Variants in OPHN1 observed in about 807,000 individuals in gnomAD.
OPHN1 encodes the protein oligophrenin 1, also known as oligophrenin-1.
A neutral mutation model predicts 60.7 loss-of-function variants in OPHN1; 11 were observed. The observed-to-expected ratio is 0.18, with a 90% CI of 0.11 to 0.30. The LOEUF (loss-of-function observed/expected upper bound fraction) is 0.30, where lower values mean the gene tolerates loss of function less well. Among genes scored for constraint, OPHN1 ranks in the 10% least tolerant of loss-of-function variants. The pLI is 1.00. For missense variants in OPHN1, 449 were observed against 611.0 expected (o/e 0.73, Z 2.80); for synonymous variants, 226 against 222.6 (o/e 1.02, Z -0.14).
At chrX:68,188,797 G>A (rs1393663445) in intron 15 of OPHN1, among the ~76,000 whole-genome samples, 1 of 111,371 alleles carries the variant, frequency 9.0e-6, no homozygotes, top group Non-Finnish European at 1.9e-5. Flanking sequence ...GAATATATGT[G>A]AATTTAATGC....
chrX:68,174,836 C>T (rs767246356), intron 15 of OPHN1, among the ~76,000 whole-genome samples: 5 of 110,449 alleles, frequency 4.5e-5, no homozygotes, highest in Non-Finnish European at 9.5e-5. Flanking sequence ...GTAATCCCAG[C>T]ACTTTGGGAG....
At chrX:68,299,690 C>A (rs989890030) in intron 2 of OPHN1, among the ~76,000 whole-genome samples, 3 of 111,813 alleles carry the variant, frequency 2.7e-5, no homozygotes, top group African/African-American at 9.8e-5. Flanking sequence ...AGAGACCTGA[C>A]CTAAGAAAGC....
chrX:68,134,683 C>A, intron 15 of OPHN1, among the ~76,000 whole-genome samples: 1 of 109,796 alleles, frequency 9.1e-6, no homozygotes, highest in Non-Finnish European at 1.9e-5. Context: ...GGGCCTGGGC[C>A]AGGGCCAGGC....
At chrX:68,386,359 C>G (rs976276443) in intron 2 of OPHN1, among the ~76,000 whole-genome samples, 1 of 111,912 alleles carries the variant, frequency 8.9e-6, no homozygotes, top group African/African-American at 3.2e-5. Flanking sequence ...TAACTCCATC[C>G]AAACCCACTA....
chrX:68,371,249 G>A (rs757830135), intron 2 of OPHN1, among the ~76,000 whole-genome samples: 93 of 99,139 alleles, frequency 9.4e-4, no homozygotes, highest in Non-Finnish European at 1.5e-3. Flanking sequence ...AAAAGGTCTC[G>A]TTCTGTCAGC....
intron 15 of OPHN1, among the ~76,000 whole-genome samples, chrX:68,169,584 T>G (rs1439465308): frequency 1.9e-5 from 2 of 107,878 alleles, no homozygotes; most frequent in Non-Finnish European, 3.8e-5. Flanking sequence ...AAAACAGAGA[T>G]ATAGACCAAT....
At chrX:68,287,181 G>GAAAGAA (rs1555967075) in intron 3 of OPHN1, among the ~76,000 whole-genome samples, 2 of 95,984 alleles carry the variant, frequency 2.1e-5, no homozygotes, top group African/African-American at 3.9e-5. Context: ...AAGAAAGAAA[G>GAAAGAA]AAAGAAAAGG....
rs760123614 is a variant in OPHN1, at chrX:68,163,161, G to A, written c.1276+29758C>T. 1.1e-3 allele frequency among the ~76,000 whole-genome samples: 123 copies of A among 111,160 alleles called. 2 individuals are homozygous for A. Among genetic ancestry groups the A allele is most frequent in the Non-Finnish European group, 6.8e-4 (36 of 52,820 alleles). On this transcript the variant is annotated intron_variant, in intron 15 of 24. Transcript: ENST00000355520. Reference sequence around the variant, plus strand: ...AAGGGCATTTTGATATCTAAAGGTTGTAGTTCCAAACTGAAGAAAAATAAA... The same window carrying A: ...AAGGGCATTTTGATATCTAAAGGTTATAGTTCCAAACTGAAGAAAAATAAA...
At chrX:68,242,070 T>G (rs1004651019) in intron 5 of OPHN1, among the ~76,000 whole-genome samples, 8 of 110,477 alleles carry the variant, frequency 7.2e-5, no homozygotes, top group African/African-American at 2.6e-4. Flanking sequence ...AAAATCACAA[T>G]GAAATATGAC....
At chrX:68,132,443 G>A (rs1465541790) in intron 15 of OPHN1, among the ~76,000 whole-genome samples, 3 of 105,815 alleles carry the variant, frequency 2.8e-5, no homozygotes, top group Non-Finnish European at 3.9e-5. Context: ...GTAAACTATC[G>A]CAAGAACAAC....
intron 2 of OPHN1, among the ~76,000 whole-genome samples, chrX:68,424,298 C>A (rs2078844281): frequency 8.9e-6 from 1 of 111,983 alleles, no homozygotes; most frequent in African/African-American, 3.2e-5. Flanking sequence ...TCCAAAAGGG[C>A]AGAGTCTATA....
At chrX:68,313,070 T>C (rs1377731434) in intron 2 of OPHN1, among the ~76,000 whole-genome samples, 1 of 110,897 alleles carries the variant, frequency 9.0e-6, no homozygotes, top group African/African-American at 3.3e-5. Context: ...TACAACTGCA[T>C]TGTGGGCTGG....
In OPHN1 at chrX:68,299,061, G is replaced by A. The variant is rs751691169; in HGVS notation, c.190C>T (p.Leu64=). The change falls in exon 3 of 25, where the codon CTG becomes TTG. Residue 64 remains leucine (L), a synonymous_variant. Coordinates refer to ENST00000355520, the MANE Select transcript of OPHN1 (RefSeq NM_002547.3). The part of the protein sequence containing the change: ...SSAVQKFSQT[L]QSFQFDFIGD... ...ATGAAATCAAACTGAAATGACTGCA[G>A]CGTCTGGGAAAATTTCTGAACAGCA... 10 of 1,193,930 alleles carry A rather than the reference G, an allele frequency of 8.4e-6. No individual in the cohort carries two copies. The highest frequency in any genetic ancestry group is 1.7e-5 in the African/African-American group (1 of 57,436).
At chrX:68,317,376 A>AAAGGAAGGAAGGAAGGAAGG (rs771749142) in intron 2 of OPHN1, among the ~76,000 whole-genome samples, 10 of 50,574 alleles carry the variant, frequency 2.0e-4, no homozygotes, top group African/African-American at 2.1e-4. Context: ...AGAAAGAAAG[A>AAAGGAAGGAAGGAAGGAAGG]AAGGAAGGAA....
chrX:68,286,104 T>G, intron 3 of OPHN1, among the ~76,000 whole-genome samples: 1 of 111,572 alleles, frequency 9.0e-6, no homozygotes, highest in East Asian at 2.8e-4. Flanking sequence ...GCATGTCTCA[T>G]AATTTTTTAA....
intron 15 of OPHN1, among the ~76,000 whole-genome samples, chrX:68,150,729 T>A (rs755287571): frequency 1.8e-5 from 2 of 111,924 alleles, no homozygotes; most frequent in Admixed American, 9.5e-5. Context: ...ATAACTTTTT[T>A]AAGCCATTTC....
chrX:68,089,132 C>T (rs2077006669), intron 19 of OPHN1, among the ~76,000 whole-genome samples: 1 of 111,579 alleles, frequency 9.0e-6, no homozygotes, highest in Non-Finnish European at 1.9e-5. Context: ...TGCTGAAGCT[C>T]AGTCTGCTTT....
Position 68,295,304 on chromosome X carries a change from C to T in OPHN1, c.250+3697G>A, listed in dbSNP as rs771233169. Among the ~76,000 whole-genome samples, 10 of 112,403 alleles carry T rather than the reference C, an allele frequency of 8.9e-5. No homozygotes were observed. The East Asian group carries it at 2.2e-3, about 25-fold the overall frequency. ...AACACTGTTTTCCACAAATTACCTTCTATAGTGTTCCTAGTAGAATCAATA... is the reference window on the plus strand; with the variant it reads ...AACACTGTTTTCCACAAATTACCTTTTATAGTGTTCCTAGTAGAATCAATA... On this transcript the variant is annotated intron_variant, in intron 3 of 24. Transcript: ENST00000355520.
chrX:68,361,496 T>TA (rs1208456537), intron 2 of OPHN1, among the ~76,000 whole-genome samples: 5 of 104,861 alleles, frequency 4.8e-5, no homozygotes, highest in Non-Finnish European at 9.8e-5. Flanking sequence ...AAAATAAAAA[T>TA]AAAAAATAAA....
Sources: allele counts gnomAD v4.1 joint callset (sites outside exome capture counted in the v4.1 genomes callset), GRCh38; gene constraint gnomAD v4.1.1; transcripts MANE v1.5; gene names NCBI Gene and HGNC (gene_info 2026-07-23, HGNC 2026-07-21).